The following TRRAP variants were observed in gnomAD, a reference collection of about 807,000 sequenced individuals.
TRRAP encodes transformation/transcription domain associated protein, also known as transformation/transcription domain-associated protein.
Under a neutral mutation model 438.8 loss-of-function variants are expected in TRRAP, and 41 were observed. The observed-to-expected ratio is 0.09, with a 90% CI of 0.07 to 0.12. The LOEUF is 0.12. Among genes scored for constraint, TRRAP ranks in the 10% least tolerant of loss-of-function variants. The pLI, the probability that TRRAP is intolerant of heterozygous loss-of-function variation, is 1.00. For missense variants in TRRAP, 3,122 were observed against 5,055.1 expected, an observed-to-expected ratio of 0.62 and a Z score of 11.60; for synonymous variants, 1,994 against 1,962.9, an observed-to-expected ratio of 1.02 and a Z score of -0.42.
chr7:98,948,762 A>T lies in TRRAP; in HGVS notation c.4788+77A>T, dbSNP rs1459995718. On this transcript the variant is annotated intron_variant, in intron 35 of 72. Coordinates refer to ENST00000456197, the MANE Select transcript of TRRAP (RefSeq NM_001375524.1). The surrounding 1 kb of genome is among the most constrained non-coding windows in gnomAD (Gnocchi z 4.9). Reference sequence around the variant, plus strand: ...TGTCGTGCTCTGAAATGTTCAGTTCATATTTCACTATTCAGTGTCCTGGCT... The same window carrying T: ...TGTCGTGCTCTGAAATGTTCAGTTCTTATTTCACTATTCAGTGTCCTGGCT... 6.2e-7 allele frequency: 1 copy of T among 1,601,858 alleles called. No individual in the cohort carries two copies. The highest frequency in any genetic ancestry group is 2.2e-5 in the East Asian group (1 of 44,658).
At chr7:99,007,428 C>T (rs755570286) in intron 69 of TRRAP, among the ~76,000 whole-genome samples, 70 of 151,594 alleles carry the variant, frequency 4.6e-4, no homozygotes, top group Non-Finnish European at 7.5e-4. Flanking sequence ...AGTTCACTGC[C>T]ACCTCCACCT....
intron 53 of TRRAP, among the ~76,000 whole-genome samples, chr7:98,973,202 A>C (rs1468551658): frequency 6.6e-6 from 1 of 151,406 alleles, no homozygotes; most frequent in Admixed American, 6.6e-5. Context: ...CTGATCTTGA[A>C]CTCCTGACCT....
rs182724983 is a variant in TRRAP at position 98,893,196 on chromosome 7, C to T, written c.367-602C>T. Among the ~76,000 whole-genome samples, 80 of 152,270 alleles carry T rather than the reference C, an allele frequency of 5.3e-4. 1 individual carries two copies. Among genetic ancestry groups the T allele is most frequent in the African/African-American group, 1.8e-3 (76 of 41,554 alleles). The stretch of plus-strand genomic sequence containing the variant: ...TGAACTCCTGACCTTGTGATCCACC[C>T]GCTTTGGCCTCCCAAAGTGCTCGGA... On this transcript the variant is annotated intron_variant, in intron 5 of 72. Coordinates refer to ENST00000456197, the MANE Select transcript of TRRAP (RefSeq NM_001375524.1).
chr7:98,981,690 T>G (rs1792927102), intron 58 of TRRAP, 79 bp from the exon 59 acceptor site: 21 of 1,448,560 alleles, frequency 1.4e-5, no homozygotes, highest in Non-Finnish European at 1.8e-5. Context: ...CCAAAAAAAG[T>G]GATCTTTTTC....
intron 3 of TRRAP, among the ~76,000 whole-genome samples, chr7:98,883,550 T>G (rs1000434552): frequency 3.9e-5 from 6 of 152,236 alleles, no homozygotes; most frequent in African/African-American, 1.4e-4. Context: ...AAGGTCTTAC[T>G]GTCATCCAGG....
rs1554419259 is a variant in TRRAP, at chr7:98,955,112, C to G, written c.5745C>G (p.Leu1915=). Residue 1915 remains leucine (L), a synonymous_variant, in exon 41 of 73, where the codon CTC becomes CTG. Transcript: ENST00000456197. ...CCCTGTTTTAGGTTTTTCATAGTCTCCTCAAGGCTCACGCAATGGAAGCTC... is the reference window on the plus strand; with the variant it reads ...CCCTGTTTTAGGTTTTTCATAGTCTGCTCAAGGCTCACGCAATGGAAGCTC... ...KKIVLQVFHS[L]LKAHAMEARA... The G allele has an allele frequency of 6.2e-7, 1 of 1,614,116 alleles. No individual in the cohort carries two copies. The highest frequency in any genetic ancestry group is 8.5e-7 in the Non-Finnish European group (1 of 1,179,948).
chr7:98,881,180 G>A lies in TRRAP; in HGVS notation c.30G>A (p.Thr10=), dbSNP rs782157067. The change falls in exon 2 of 73, where the codon ACG becomes ACA. Residue 10 remains threonine (T), a synonymous_variant. Coordinates refer to ENST00000456197, the MANE Select transcript of TRRAP (RefSeq NM_001375524.1). ...CGTTTGTTGCAACACAGGGGGCCAC[G>A]GTGGTTGACCAGACCACTTTGATGA... MAFVATQGA[T]VVDQTTLMKK... 7.5e-6 allele frequency: 12 copies of A among 1,610,202 alleles called. No individual in the cohort carries two copies. Among genetic ancestry groups the A allele is most frequent in the East Asian group, 4.5e-5 (2 of 44,702 alleles).
intron 62 of TRRAP, among the ~76,000 whole-genome samples, chr7:98,986,817 A>G (rs1333936134): frequency 6.6e-6 from 1 of 152,188 alleles, no homozygotes; most frequent in Non-Finnish European, 1.5e-5. Context: ...TCTTCTAAGC[A>G]TTTCATAGAT....
chr7:98,915,898 G>C lies in TRRAP; in HGVS notation c.2365+10G>C, dbSNP rs782342439. 6.2e-7 allele frequency: 1 copy of C among 1,613,984 alleles called. No individual in the cohort carries two copies. Among genetic ancestry groups the C allele is most frequent in the Non-Finnish European group, 8.5e-7 (1 of 1,179,912 alleles). On this transcript the variant is annotated intron_variant, in intron 19 of 72. Coordinates refer to ENST00000456197, the MANE Select transcript of TRRAP (RefSeq NM_001375524.1). Reference sequence around the variant, plus strand: ...CCAAACCTCCTGCAAGGTCAGAGCAGTGACTTTGGTTGCCTTTTAGTCTTG... The same window carrying C: ...CCAAACCTCCTGCAAGGTCAGAGCACTGACTTTGGTTGCCTTTTAGTCTTG...
chr7:99,011,135 C>T lies in TRRAP; in HGVS notation c.11022C>T (p.Pro3674=). 6 of 1,614,164 alleles carry T rather than the reference C, an allele frequency of 3.7e-6. No homozygotes were observed. In the South Asian group the frequency reaches 6.6e-5, roughly 18 times the overall value. ...AGGAGTGGGCGCTGCACACCTTCCCCAATGCCACGGACTACTGGACGTTCC... is the reference window on the plus strand; with the variant it reads ...AGGAGTGGGCGCTGCACACCTTCCCTAATGCCACGGACTACTGGACGTTCC... ...MLKEWALHTF[P]NATDYWTFRK... The change falls in exon 71 of 73, where the codon CCC becomes CCT. Residue 3674 remains proline (P), a synonymous_variant. Transcript: ENST00000456197. The surrounding 1 kb of genome is among the most constrained non-coding windows in gnomAD (Gnocchi z 7.1).
intron 3 of TRRAP, among the ~76,000 whole-genome samples, chr7:98,888,531 C>T (rs887295146): frequency 1.2e-4 from 19 of 152,166 alleles, no homozygotes; most frequent in African/African-American, 4.1e-4. Flanking sequence ...AGTGAGACTC[C>T]GTCTCAAAAA....
chr7:98,946,912 C>T (rs1554417033), intron 33 of TRRAP, among the ~76,000 whole-genome samples: 1 of 152,230 alleles, frequency 6.6e-6, no homozygotes, highest in Non-Finnish European at 1.5e-5. Context: ...ACTTACTCTT[C>T]CTAAGTCTTG....
At chr7:99,006,275 T>G (rs1029897346) in intron 69 of TRRAP, among the ~76,000 whole-genome samples, 1 of 152,220 alleles carries the variant, frequency 6.6e-6, no homozygotes, top group South Asian at 2.1e-4. Context: ...TCTAGTCCTT[T>G]ATGGAACTTT....
intron 65 of TRRAP, 27 bp downstream of exon 65, chr7:98,992,254 C>G (rs1242109855): frequency 6.2e-7 from 1 of 1,612,110 alleles, no homozygotes; most frequent in African/African-American, 1.3e-5. Context: ...GCCGGTAGGC[C>G]AGGCCGGGAA....
At chr7:98,955,017 TG>T in intron 40 of TRRAP, 80 bp from the exon 41 acceptor site, 1 of 1,427,314 alleles carries the variant, frequency 7.0e-7, no homozygotes, top group Non-Finnish European at 9.5e-7. Context: ...AAAAGTAGCA[TG>T]TCTTGACACC....
chr7:98,964,243 T>C, intron 47 of TRRAP, among the ~76,000 whole-genome samples: 1 of 152,222 alleles, frequency 6.6e-6, no homozygotes, highest in East Asian at 1.9e-4. Flanking sequence ...CAAATTGAAT[T>C]CAAAGATATT....
chr7:98,993,255 G>T (rs112561920), intron 65 of TRRAP, among the ~76,000 whole-genome samples: 1 of 152,244 alleles, frequency 6.6e-6, no homozygotes, highest in African/African-American at 2.4e-5. Flanking sequence ...ACCAGGCGGC[G>T]TGTTGTCACA....
Position 98,925,237 on chromosome 7 carries a change from A to G in TRRAP, c.2949A>G (p.Ala983=). The change falls in exon 22 of 73, where the codon GCA becomes GCG. Residue 983 remains alanine (A), a synonymous_variant. Transcript: ENST00000456197. ...AMMSLEDNKH[A]LYQLLAHPNF... is the part of the protein sequence containing the mutation. The stretch of plus-strand genomic sequence containing the variant: ...TGAGCCTGGAGGACAACAAGCACGC[A>G]CTCTACCAGCTCCTGGCACACCCCA... 1.9e-6 allele frequency: 3 copies of G among 1,613,970 alleles called. No individual in the cohort carries two copies. The highest frequency in any genetic ancestry group is 2.2e-5 in the South Asian group (2 of 91,076).
At chr7:98,959,281 C>T in intron 44 of TRRAP, 63 bp from the exon 45 acceptor site, 1 of 1,589,904 alleles carries the variant, frequency 6.3e-7, no homozygotes, top group Non-Finnish European at 8.6e-7. Context: ...GACGTGCTGT[C>T]ACTGGAATGA....
Sources: gnomAD v4.1 joint callset for allele counts (sites outside exome capture counted in the v4.1 genomes callset) on GRCh38, gnomAD v4.1.1 for gene constraint, Gnocchi (gnomAD v3.1) non-coding constraint, MANE v1.5 for transcripts, NCBI Gene and HGNC (gene_info 2026-07-23, HGNC 2026-07-21) for gene names.